SYT14: variants seen among roughly 807,000 people sequenced by gnomAD.
The protein encoded by SYT14 is synaptotagmin-14.
SYT14 carries 32 observed loss-of-function variants against 74.2 expected under a neutral mutation model. The observed-to-expected ratio is 0.43, with a 90% confidence interval of 0.33 to 0.58. SYT14 has a LOEUF of 0.58. Ranked by LOEUF, SYT14 falls within the 20% of genes least tolerant of loss-of-function variation. SYT14 has a pLI of 0.05. For synonymous variants in SYT14, 298 were observed against 337.7 expected, an observed-to-expected ratio of 0.88 and a Z score of 1.29; for missense variants, 791 against 981.8, an observed-to-expected ratio of 0.81 and a Z score of 2.60.
intron 2 of SYT14, among the ~76,000 whole-genome samples, chr1:209,970,662 CTTTTTTTTTTTTTTTTTTTTTTTTT>C (rs35639848): frequency 8.0e-5 from 5 of 62,788 alleles, no homozygotes; most frequent in South Asian, 6.2e-4. Context: ...GGCAGTATGG[CTTTTTTTTTTTTTTTTTTTTTTTTT>C]TTTTTTTTTT....
intron 6 of SYT14, among the ~76,000 whole-genome samples, chr1:210,097,756 T>G (rs2081991781): frequency 6.6e-6 from 1 of 152,240 alleles, no homozygotes; most frequent in Admixed American, 6.5e-5. Flanking sequence ...AAGAATATGT[T>G]TTGATTTTCT....
At chr1:209,991,525 A>T (rs1301464875) in intron 2 of SYT14, among the ~76,000 whole-genome samples, 4 of 152,246 alleles carry the variant, frequency 2.6e-5, no homozygotes, top group Non-Finnish European at 5.9e-5. Flanking sequence ...GAAGCATATG[A>T]AAAAATGCTC....
chr1:210,101,740 A>AG, intron 7 of SYT14, among the ~76,000 whole-genome samples: 1 of 152,286 alleles, frequency 6.6e-6, no homozygotes, highest in South Asian at 2.1e-4. Flanking sequence ...TACAGTTATT[A>AG]ATATGATTTC....
chr1:210,150,172 G>A (rs1313135814), intron 7 of SYT14, among the ~76,000 whole-genome samples: 2 of 152,178 alleles, frequency 1.3e-5, no homozygotes, highest in Non-Finnish European at 2.9e-5. Context: ...AACTAGGAGG[G>A]AAAAGTCTGC....
At chr1:210,030,156 G>GTTTTTA (rs1422562410) in intron 5 of SYT14, among the ~76,000 whole-genome samples, 1 of 151,748 alleles carries the variant, frequency 6.6e-6, no homozygotes, top group Non-Finnish European at 1.5e-5. Context: ...TTTTGTTTTT[G>GTTTTTA]TTTTTAATGG....
intron 2 of SYT14, among the ~76,000 whole-genome samples, chr1:209,977,574 A>C (rs1173689407): frequency 3.3e-5 from 5 of 152,152 alleles, no homozygotes; most frequent in Non-Finnish European, 5.9e-5. Context: ...CCGAGAGATC[A>C]GCTGTTAGTC....
chr1:210,042,549 A>T (rs938156874), intron 5 of SYT14, among the ~76,000 whole-genome samples: 4 of 152,222 alleles, frequency 2.6e-5, no homozygotes, highest in Admixed American at 2.0e-4. Flanking sequence ...AGGTGTAAGG[A>T]AGGGATACAG....
chr1:209,988,724 G>T (rs1419190087), intron 2 of SYT14, among the ~76,000 whole-genome samples: 2 of 152,120 alleles, frequency 1.3e-5, no homozygotes, highest in African/African-American at 2.4e-5. Flanking sequence ...TAAAATTCTG[G>T]ATCTTCAGAA....
chr1:209,978,926 C>A (rs186081743), intron 2 of SYT14, among the ~76,000 whole-genome samples: 1 of 152,172 alleles, frequency 6.6e-6, no homozygotes, highest in African/African-American at 2.4e-5. Context: ...CCCCCAGCCT[C>A]GCTGCCGCCT....
At chr1:209,972,768 A>G (rs763198068) in intron 2 of SYT14, among the ~76,000 whole-genome samples, 1 of 152,064 alleles carries the variant, frequency 6.6e-6, no homozygotes, top group African/African-American at 2.4e-5. Flanking sequence ...ATGGCTGAGC[A>G]TGTGGCCTAT....
intron 2 of SYT14, among the ~76,000 whole-genome samples, chr1:209,997,516 A>G (rs929443499): frequency 1.3e-5 from 2 of 152,170 alleles, no homozygotes. Flanking sequence ...TGGAAGAATT[A>G]ATATCGTTAA....
At chr1:210,044,340 G>C (rs1306790332) in intron 5 of SYT14, among the ~76,000 whole-genome samples, 1 of 152,128 alleles carries the variant, frequency 6.6e-6, no homozygotes, top group African/African-American at 2.4e-5. Context: ...TAAATGTAAA[G>C]ACCCTTGTGT....
At chr1:210,054,919 C>G (rs912429311) in intron 5 of SYT14, among the ~76,000 whole-genome samples, 7 of 152,066 alleles carry the variant, frequency 4.6e-5, no homozygotes, top group Non-Finnish European at 1.0e-4. Flanking sequence ...GCCTGATGTT[C>G]CTTAATTGGA....
At chr1:209,977,534 C>A (rs2079390616) in intron 2 of SYT14, among the ~76,000 whole-genome samples, 1 of 152,088 alleles carries the variant, frequency 6.6e-6, no homozygotes, top group Non-Finnish European at 1.5e-5. Context: ...AATATTGGTC[C>A]CCACTGTCTT....
chr1:210,129,820 C>G (rs1334563774), intron 7 of SYT14, among the ~76,000 whole-genome samples: 1 of 152,300 alleles, frequency 6.6e-6, no homozygotes, highest in Middle Eastern at 3.4e-3. Context: ...CTTAATTACA[C>G]TAGAATGAGT....
chr1:209,988,406 T>C (rs1439724789), intron 2 of SYT14, among the ~76,000 whole-genome samples: 2 of 152,230 alleles, frequency 1.3e-5, no homozygotes, highest in Non-Finnish European at 2.9e-5. Flanking sequence ...ATTTTATCAA[T>C]TTTCTGAGTC....
At chr1:210,001,477 A>C (rs932743477) in intron 2 of SYT14, among the ~76,000 whole-genome samples, 2 of 152,146 alleles carry the variant, frequency 1.3e-5, no homozygotes, top group Non-Finnish European at 2.9e-5. Flanking sequence ...TTTTACATTT[A>C]TATTCATCAT....
At chr1:210,077,085 G>A (rs558129562) in intron 5 of SYT14, among the ~76,000 whole-genome samples, 3 of 152,218 alleles carry the variant, frequency 2.0e-5, no homozygotes, top group African/African-American at 7.2e-5. Context: ...AATTTATAAA[G>A]AAATGAGGTT....
chr1:210,136,593 A>G (rs1407579907), intron 7 of SYT14, among the ~76,000 whole-genome samples: 1 of 152,176 alleles, frequency 6.6e-6, no homozygotes, highest in Non-Finnish European at 1.5e-5. Context: ...AGTAAGGACA[A>G]GAAGGGGCTG....
Sources: allele counts gnomAD v4.1 joint callset (sites outside exome capture counted in the v4.1 genomes callset), GRCh38; gene constraint gnomAD v4.1.1; transcripts MANE v1.5; gene names NCBI Gene and HGNC (gene_info 2026-07-23, HGNC 2026-07-21).